Variants in CCDC171 observed in about 807,000 individuals in gnomAD.
CCDC171 encodes coiled-coil domain containing 171, also known as coiled-coil domain-containing protein 171.
In CCDC171, 177 loss-of-function variants were observed where a neutral mutation model predicts 168.2. The ratio of observed to expected loss-of-function variants is 1.05; its 90% CI spans 0.93 to 1.19. The LOEUF is 1.19. Ranked by LOEUF, CCDC171 falls within the 50% of genes most tolerant of loss-of-function variation. CCDC171 has a pLI of 0.00. For synonymous variants in CCDC171, 687 were observed against 540.8 expected, an observed-to-expected ratio of 1.27 and a Z score of -3.75; for missense variants, 1,991 against 1,539.0, an observed-to-expected ratio of 1.29 and a Z score of -4.91.
intron 18 of CCDC171, among the ~76,000 whole-genome samples, chr9:15,772,077 G>T (rs1389907786): frequency 6.6e-6 from 1 of 152,094 alleles, no homozygotes; most frequent in Non-Finnish European, 1.5e-5. Flanking sequence ...CAAGTAATCT[G>T]CCAGCCTTGG....
chr9:16,077,567 A>G, the CCDC171 span, among the ~76,000 whole-genome samples: 2 of 152,182 alleles, frequency 1.3e-5, no homozygotes, highest in African/African-American at 4.8e-5. Context: ...ACCTGATCCA[A>G]GTGCTCATCC....
intron 6 of CCDC171, among the ~76,000 whole-genome samples, chr9:15,608,227 C>G (rs1056390065): frequency 6.6e-6 from 1 of 152,212 alleles, no homozygotes; most frequent in African/African-American, 2.4e-5. Context: ...CTTCTCAAAA[C>G]TGTCACATGG....
At chr9:16,089,852 G>A in the CCDC171 span, among the ~76,000 whole-genome samples, 1 of 152,132 alleles carries the variant, frequency 6.6e-6, no homozygotes, top group Non-Finnish European at 1.5e-5. Context: ...CTAGAGAAAT[G>A]CAATCAAAAC....
intron 20 of CCDC171, among the ~76,000 whole-genome samples, chr9:15,780,958 T>G (rs562821866): frequency 8.5e-5 from 13 of 152,280 alleles, no homozygotes; most frequent in African/African-American, 3.1e-4. Context: ...TTCCGTTTGA[T>G]TTGCTTCTGT....
At chr9:15,901,221 G>T (rs1464109045) in intron 24 of CCDC171, among the ~76,000 whole-genome samples, 1 of 152,134 alleles carries the variant, frequency 6.6e-6, no homozygotes, top group African/African-American at 2.4e-5. Context: ...GCAGAACACA[G>T]GATTTTTAGA....
intron 23 of CCDC171, among the ~76,000 whole-genome samples, chr9:15,864,687 C>G (rs1249617051): frequency 6.6e-6 from 1 of 151,892 alleles, no homozygotes; most frequent in East Asian, 1.9e-4. Context: ...AGGATAATGC[C>G]TAGATGAGTA....
At chr9:15,569,838 C>CA (rs373129900) in intron 2 of CCDC171, among the ~76,000 whole-genome samples, 7 of 63,504 alleles carry the variant, frequency 1.1e-4, no homozygotes, top group African/African-American at 2.3e-4. Flanking sequence ...AAACAAAAAA[C>CA]AAACAAACAA....
intron 21 of CCDC171, 53 bp from the exon 22 acceptor site, chr9:15,846,649 T>C: frequency 6.4e-7 from 1 of 1,573,638 alleles, no homozygotes; most frequent in Middle Eastern, 1.7e-4. Context: ...ATGGCATAAA[T>C]TGAAGTTAAT....
At chr9:16,056,485 G>T (rs1833842888) in intron 1 of CCDC171, among the ~76,000 whole-genome samples, 1 of 151,910 alleles carries the variant, frequency 6.6e-6, no homozygotes, top group South Asian at 2.1e-4. Context: ...TTGTTCTTTT[G>T]TTTTATTTTG....
At chr9:15,608,581 A>T (rs926831513) in intron 6 of CCDC171, among the ~76,000 whole-genome samples, 1 of 151,826 alleles carries the variant, frequency 6.6e-6, no homozygotes, top group Non-Finnish European at 1.5e-5. Context: ...GGCCATTCAC[A>T]TTTCTTTTTT....
At chr9:15,775,265 C>T (rs144289430) in intron 18 of CCDC171, among the ~76,000 whole-genome samples, 2 of 152,212 alleles carry the variant, frequency 1.3e-5, no homozygotes, top group African/African-American at 4.8e-5. Flanking sequence ...TAGAAGAATG[C>T]ATTGCAGAAT....
chr9:15,566,259 C>G (rs2039718257), intron 2 of CCDC171, among the ~76,000 whole-genome samples: 1 of 151,466 alleles, frequency 6.6e-6, no homozygotes, highest in East Asian at 1.9e-4. Context: ...AGTCCTTTAT[C>G]AGATACATGA....
chr9:15,714,902 A>G (rs973539788), intron 11 of CCDC171, among the ~76,000 whole-genome samples: 1 of 152,170 alleles, frequency 6.6e-6, no homozygotes, highest in African/African-American at 2.4e-5. Flanking sequence ...TCAGTTAGCC[A>G]ATGTCAGTGA....
At position 15,632,978 on chromosome 9, in the gene CCDC171, G is replaced by C. The variant is rs926930147; in HGVS notation, c.822+9565G>C. Among the ~76,000 whole-genome samples the C allele has an allele frequency of 2.0e-5, 3 of 152,202 alleles. 1 individual carries two copies. The highest frequency in any genetic ancestry group is 4.1e-4 in the South Asian group (2 of 4,826). ...AAAACTGGCTAGCCATATGTAGAAA[G>C]CTGAAACTGGGTCCCTTCCTTACCC... is the stretch of plus-strand genomic sequence containing the variant. On this transcript the variant is annotated intron_variant, in intron 7 of 25. Coordinates refer to ENST00000380701, the MANE Select transcript of CCDC171 (RefSeq NM_173550.4).
intron 11 of CCDC171, among the ~76,000 whole-genome samples, chr9:15,712,477 A>G (rs1302607379): frequency 6.6e-6 from 1 of 152,244 alleles, no homozygotes. Flanking sequence ...TCTTATTTCC[A>G]CACTTCATTT....
chr9:15,855,614 GTTC>G (rs1220428482), intron 23 of CCDC171, among the ~76,000 whole-genome samples: 1 of 151,744 alleles, frequency 6.6e-6, no homozygotes, highest in African/African-American at 2.4e-5. Flanking sequence ...TTGTTCCTCA[GTTC>G]TTCTACGATT....
chr9:15,928,808 A>G (rs1015527029), intron 25 of CCDC171, among the ~76,000 whole-genome samples: 2 of 151,686 alleles, frequency 1.3e-5, no homozygotes, highest in Admixed American at 6.6e-5. Flanking sequence ...TCCTTGGCAT[A>G]TATTTCCAAA....
chr9:16,087,778 TC>T, the CCDC171 span, among the ~76,000 whole-genome samples: 1 of 152,112 alleles, frequency 6.6e-6, no homozygotes, highest in African/African-American at 2.4e-5. Flanking sequence ...ATGGATTTGA[TC>T]CTGTCATTAT....
At chr9:15,559,886 T>C (rs1361165025) in intron 1 of CCDC171, among the ~76,000 whole-genome samples, 1 of 152,248 alleles carries the variant, frequency 6.6e-6, no homozygotes, top group African/African-American at 2.4e-5. Context: ...TTCCTTTCCA[T>C]GTTTAGTGCT....
Sources: gnomAD v4.1 joint callset for allele counts (sites outside exome capture counted in the v4.1 genomes callset) on GRCh38, gnomAD v4.1.1 for gene constraint, MANE v1.5 for transcripts, NCBI Gene and HGNC (gene_info 2026-07-23, HGNC 2026-07-21) for gene names.